The following TM9SF4 variants were observed in gnomAD, a reference collection of about 807,000 sequenced individuals.
TM9SF4 encodes the protein transmembrane 9 superfamily member 4.
In TM9SF4, 26 loss-of-function variants were observed where a neutral mutation model predicts 90.4. The observed-to-expected ratio is 0.29, with a 90% CI of 0.21 to 0.40. The LOEUF (loss-of-function observed/expected upper bound fraction) is 0.40. Ranked by LOEUF, TM9SF4 falls within the 10% of genes least tolerant of loss-of-function variation. TM9SF4 has a pLI of 1.00. For missense variants in TM9SF4, 549 were observed against 834.8 expected, an observed-to-expected ratio of 0.66 and a Z score of 4.22; for synonymous variants, 293 against 315.4, an observed-to-expected ratio of 0.93 and a Z score of 0.75.
At chr20:32,110,833 GT>G (rs2046131945) in intron 1 of TM9SF4, among the ~76,000 whole-genome samples, 1 of 152,184 alleles carries the variant, frequency 6.6e-6, no homozygotes, top group South Asian at 2.1e-4. Flanking sequence ...TTTTCTAAAA[GT>G]TTAGTTCAAA....
At chr20:32,144,207 G>C in intron 6 of TM9SF4, among the ~76,000 whole-genome samples, 1 of 152,186 alleles carries the variant, frequency 6.6e-6, no homozygotes, top group Non-Finnish European at 1.5e-5. Flanking sequence ...GCCTCCCAAA[G>C]TGCTTGGATT....
Position 32,160,136 on chromosome 20 carries a change from G to A in TM9SF4, c.1689+25G>A, listed in dbSNP as rs78738221. The A allele has an allele frequency of 4.8e-4, 769 of 1,613,896 alleles. 6 individuals carry two copies. The East Asian group carries it at 0.016, about 34-fold the overall frequency. ...GGTGAGGAGAGCAGGGCCAGGAGGC[G>A]GGGGAGGGAGAACTGGATCCAGCAT... On this transcript the variant is annotated intron_variant, in intron 16 of 17. Coordinates refer to ENST00000398022, the MANE Select transcript of TM9SF4 (RefSeq NM_014742.4).
rs1439356533 is a variant in TM9SF4, at chr20:32,165,823, C to G, written c.*379C>G. ...TCCACCGAGATAAGGGTTTTGGTCA[C>G]TGTCTCCACCTCAGTTCCTCAGGGC... On this transcript the variant is annotated 3_prime_UTR_variant, in exon 18 of 18. Transcript: ENST00000398022. 1 of 218,762 alleles carries G rather than the reference C, an allele frequency of 4.6e-6. No homozygotes were observed. The highest frequency in any genetic ancestry group is 1.1e-4 in the East Asian group (1 of 8,756). 13.6% of individuals were successfully genotyped at this position (218,762 alleles called of 1,614,324 possible).
intron 15 of TM9SF4, 157 bp from the exon 16 acceptor site, chr20:32,159,835 C>G (rs941547441): frequency 1.9e-6 from 2 of 1,043,178 alleles, no homozygotes; most frequent in African/African-American, 1.6e-5. Context: ...GGCTCACCCC[C>G]TGCTCTGGGG....
chr20:32,117,928 A>G (rs1319532487), intron 1 of TM9SF4, among the ~76,000 whole-genome samples: 1 of 152,216 alleles, frequency 6.6e-6, no homozygotes, highest in Non-Finnish European at 1.5e-5. Context: ...TAAATATTTA[A>G]TTGACTTTTC....
At chr20:32,115,139 T>C (rs2046200869) in intron 1 of TM9SF4, among the ~76,000 whole-genome samples, 1 of 152,212 alleles carries the variant, frequency 6.6e-6, no homozygotes, top group Non-Finnish European at 1.5e-5. Flanking sequence ...TACTGTGTCC[T>C]TGGAGCTGAG....
intron 3 of TM9SF4, among the ~76,000 whole-genome samples, chr20:32,139,936 C>T (rs114705301): frequency 6.4e-4 from 97 of 152,328 alleles, no homozygotes; most frequent in African/African-American, 2.3e-3. Flanking sequence ...TGTCCTAGAC[C>T]CACTCCCCTG....
chr20:32,136,912 C>T (rs1038735396), intron 3 of TM9SF4: 3 of 471,058 alleles, frequency 6.4e-6, no homozygotes, highest in Non-Finnish European at 1.3e-5. Flanking sequence ...TTGAGCAAGC[C>T]CCTGAAAGGG....
At chr20:32,123,866 A>ATATATATATATATATATTTTTTTTT in intron 1 of TM9SF4, among the ~76,000 whole-genome samples, 56 of 93,940 alleles carry the variant, frequency 6.0e-4, no homozygotes, top group African/African-American at 2.3e-3. Flanking sequence ...ATATATATAT[A>ATATATATATATATATATTTTTTTTT]TTTTTTTTTT....
At chr20:32,120,395 G>GTTTTTT (rs34639926) in intron 1 of TM9SF4, among the ~76,000 whole-genome samples, 42 of 116,140 alleles carry the variant, frequency 3.6e-4, no homozygotes, top group Non-Finnish European at 3.6e-4. Context: ...TAAGTGGTGC[G>GTTTTTT]TTTTTTTTTT....
chr20:32,159,839 T>C (rs1026094117), intron 15 of TM9SF4, 153 bp from the exon 16 acceptor site: 3 of 1,085,334 alleles, frequency 2.8e-6, no homozygotes, highest in Non-Finnish European at 4.0e-6. Context: ...CACCCCCTGC[T>C]CTGGGGAAGA....
chr20:32,109,931 T>TG, intron 1 of TM9SF4, 176 bp downstream of exon 1: 1 of 1,441,802 alleles, frequency 6.9e-7, no homozygotes, highest in Non-Finnish European at 9.1e-7. Context: ...GCCCTGCCCC[T>TG]GCACTCAGGC....
intron 16 of TM9SF4, among the ~76,000 whole-genome samples, chr20:32,160,855 C>T (rs1246529194): frequency 7.0e-6 from 1 of 142,168 alleles, no homozygotes; most frequent in Non-Finnish European, 1.5e-5. Flanking sequence ...GAGGCCGAGG[C>T]AGGAGAATCA....
chr20:32,137,034 G>C (rs571670286), intron 3 of TM9SF4: 1 of 461,498 alleles, frequency 2.2e-6, no homozygotes, highest in South Asian at 1.5e-5. Flanking sequence ...GGCAGGCCTT[G>C]GAGCCAGTTT....
At chr20:32,125,529 C>T (rs1220691361) in intron 1 of TM9SF4, among the ~76,000 whole-genome samples, 3 of 152,088 alleles carry the variant, frequency 2.0e-5, no homozygotes, top group African/African-American at 7.2e-5. Context: ...ATTCTCAGGC[C>T]CTGCCCCAGA....
rs2046990770 is a variant in TM9SF4 at position 32,159,997 on chromosome 20, C to G, written c.1575C>G (p.Ile525Met). Residue 525 changes from isoleucine (I) to methionine (M), a missense_variant, in exon 16 of 18, where the codon ATC becomes ATG. Ile to Met is a conservative substitution (Grantham distance 10). Around this residue, in one of 2 missense-constraint regions of TM9SF4, gnomAD observed 495 missense variants for 711.7 expected, o/e 0.70. Coordinates refer to ENST00000398022, the MANE Select transcript of TM9SF4 (RefSeq NM_014742.4). ...GCCCCACTGTGTGTCCACAGGCTATCTGGGAGAATCAGTTCTATTACCTCT... is the reference window on the plus strand; with the variant it reads ...GCCCCACTGTGTGTCCACAGGCTATGTGGGAGAATCAGTTCTATTACCTCT... ...FIELFFIFSA[I>M]WENQFYYLFG... The G allele has an allele frequency of 6.2e-7, 1 of 1,614,226 alleles. No homozygotes were observed. The highest frequency in any genetic ancestry group is 2.2e-5 in the East Asian group (1 of 44,886).
At position 32,165,517 on chromosome 20, in the gene TM9SF4, G is replaced by C; in HGVS notation, c.*73G>C. On this transcript the variant is annotated 3_prime_UTR_variant, in exon 18 of 18. Coordinates refer to ENST00000398022, the MANE Select transcript of TM9SF4 (RefSeq NM_014742.4). The stretch of plus-strand genomic sequence containing the variant: ...ACCCTGCGTGGGGGACTGCAGGCAC[G>C]CAAAATAAAATAACTCCTGCTCGTT... 1 of 1,556,452 alleles carries C rather than the reference G, an allele frequency of 6.4e-7. No homozygotes were observed. The highest frequency in any genetic ancestry group is 8.8e-7 in the Non-Finnish European group (1 of 1,135,042).
chr20:32,128,974 A>G (rs983283271), intron 1 of TM9SF4, among the ~76,000 whole-genome samples: 24 of 152,266 alleles, frequency 1.6e-4, no homozygotes, highest in African/African-American at 5.8e-4. Context: ...TGTTCAGAAC[A>G]GTGATGTTTT....
At chr20:32,146,626 C>T (rs2046766485) in intron 8 of TM9SF4, among the ~76,000 whole-genome samples, 159 bp from the exon 9 acceptor site, 1 of 151,838 alleles carries the variant, frequency 6.6e-6, no homozygotes, top group Admixed American at 6.6e-5. Context: ...GTGGAGCTCC[C>T]CCGAGAAGAG....
Sources: allele counts gnomAD v4.1 joint callset (sites outside exome capture counted in the v4.1 genomes callset), GRCh38; gene constraint gnomAD v4.1.1; regional missense constraint gnomAD v4.1.1; transcripts MANE v1.5; gene names NCBI Gene and HGNC (gene_info 2026-07-23, HGNC 2026-07-21).